The following PLD5 variants were observed in gnomAD, a reference collection of about 807,000 sequenced individuals.
PLD5 encodes phospholipase D family member 5.
PLD5 carries 36 observed loss-of-function variants against 61.1 expected under a neutral mutation model. The observed-to-expected ratio is 0.59, with a 90% CI of 0.45 to 0.78. The LOEUF is 0.78. Ranked by LOEUF, PLD5 falls within the 30% of genes least tolerant of loss-of-function variation. The probability of loss-of-function intolerance (pLI) is 0.00; values close to 1 mark genes in which losing one functional copy is unlikely to be tolerated. For synonymous variants in PLD5, 243 were observed against 242.8 expected (o/e 1.00, Z -0.01); for missense variants, 515 against 644.4 (o/e 0.80, Z 2.17).
chr1:242,188,792 ATTAGCTATC>A (rs1462307376), intron 5 of PLD5: 1 of 152,176 alleles, frequency 6.6e-6, no homozygotes, highest in African/African-American at 2.4e-5. Flanking sequence ...TTGAGTGTAT[ATTAGCTATC>A]TTGATATGGT....
intron 5 of PLD5, chr1:242,209,366 G>T (rs1265536269): frequency 6.6e-6 from 1 of 152,176 alleles, no homozygotes; most frequent in African/African-American, 2.4e-5. Context: ...CCTTGTGTTC[G>T]TGCACTGTGC....
intron 1 of PLD5, among the ~76,000 whole-genome samples, chr1:242,419,693 G>A (rs1368165340): frequency 1.3e-5 from 2 of 150,078 alleles, no homozygotes; most frequent in African/African-American, 2.5e-5. Context: ...GATTACAGGC[G>A]TGAGCCACCA....
At chr1:242,207,859 T>TA (rs1239350902) in intron 5 of PLD5, among the ~76,000 whole-genome samples, 8 of 48,872 alleles carry the variant, frequency 1.6e-4, no homozygotes, top group African/African-American at 6.0e-4. Flanking sequence ...TATTTATATA[T>TA]TTATATATTT....
At chr1:242,335,419 A>T (rs1017012935) in intron 2 of PLD5, among the ~76,000 whole-genome samples, 8 of 152,234 alleles carry the variant, frequency 5.3e-5, no homozygotes, top group African/African-American at 1.9e-4. Flanking sequence ...AGTCCACACC[A>T]TTTGGAGATG....
chr1:242,462,755 C>T (rs1242101741), intron 1 of PLD5, among the ~76,000 whole-genome samples: 1 of 152,108 alleles, frequency 6.6e-6, no homozygotes. Context: ...CTCACTGTTC[C>T]TCACTGCCAC....
intron 5 of PLD5, among the ~76,000 whole-genome samples, chr1:242,149,668 C>CAT (rs138108029): frequency 7.4e-6 from 1 of 135,490 alleles, no homozygotes; most frequent in East Asian, 2.0e-4. Flanking sequence ...GTTTTATACA[C>CAT]ATACACACAC....
At chr1:242,321,307 CTCTT>C (rs1311133142) in intron 2 of PLD5, among the ~76,000 whole-genome samples, 3 of 150,188 alleles carry the variant, frequency 2.0e-5, no homozygotes, top group Non-Finnish European at 4.4e-5. Context: ...CTCTCTCTCT[CTCTT>C]TTTTTTTTTT....
At position 242,100,681 on chromosome 1, in the gene PLD5, T is replaced by G; in HGVS notation, c.1341A>C (p.Gly447=). The change falls in exon 9 of 10, where the codon GGA becomes GGC. Residue 447 remains glycine (G), a synonymous_variant. Transcript: ENST00000536534. ...LNRNKYMVTD[G]AAYIGNFDWV... ...CCTGACACCTACCAATATAAGCTGC[T>G]CCATCTGTCACCATGTACTTGTTGC... The G allele has an allele frequency of 6.2e-7, 1 of 1,613,804 alleles. No homozygotes were observed. The highest frequency in any genetic ancestry group is 8.5e-7 in the Non-Finnish European group (1 of 1,179,766).
At chr1:242,187,378 G>A (rs528695066) in intron 5 of PLD5, among the ~76,000 whole-genome samples, 1 of 152,312 alleles carries the variant, frequency 6.6e-6, no homozygotes, top group South Asian at 2.1e-4. Context: ...CATCATAGCA[G>A]TCCTGAGCTG....
upstream of PLD5, among the ~76,000 whole-genome samples, chr1:242,528,623 T>TA (rs894499096): frequency 1.3e-5 from 2 of 152,220 alleles, no homozygotes; most frequent in Admixed American, 6.5e-5. Context: ...GTTACATCTG[T>TA]AGCACATATC....
intron 4 of PLD5, among the ~76,000 whole-genome samples, chr1:242,254,392 G>A (rs1672897116): frequency 6.6e-6 from 1 of 151,818 alleles, no homozygotes; most frequent in African/African-American, 2.4e-5. Context: ...AGGAAAGGCT[G>A]GGCGTGGTGG....
At chr1:242,348,830 A>T (rs868086501) in intron 1 of PLD5, among the ~76,000 whole-genome samples, 1 of 152,260 alleles carries the variant, frequency 6.6e-6, no homozygotes, top group Non-Finnish European at 1.5e-5. Flanking sequence ...CAAGGCGGGC[A>T]GATCATGAGG....
chr1:242,476,332 G>A (rs1349247498), intron 1 of PLD5, among the ~76,000 whole-genome samples: 1 of 151,870 alleles, frequency 6.6e-6, no homozygotes, highest in East Asian at 1.9e-4. Context: ...TCCAGCCTGG[G>A]CGATGAGAGT....
At chr1:242,285,413 G>T (rs1237066135) in intron 3 of PLD5, among the ~76,000 whole-genome samples, 1 of 152,148 alleles carries the variant, frequency 6.6e-6, no homozygotes, top group Non-Finnish European at 1.5e-5. Context: ...CAGGAGAATC[G>T]CTTGAACCCG....
At chr1:242,432,870 C>T (rs1335112729) in intron 1 of PLD5, among the ~76,000 whole-genome samples, 1 of 152,084 alleles carries the variant, frequency 6.6e-6, no homozygotes, top group Non-Finnish European at 1.5e-5. Context: ...GAAAATGTGG[C>T]CATTTAAAAT....
intron 1 of PLD5, among the ~76,000 whole-genome samples, chr1:242,395,016 A>AATATATATGTATATATGAATGTATATGT (rs1663450324): frequency 7.4e-6 from 1 of 134,878 alleles, no homozygotes; most frequent in East Asian, 2.4e-4. Flanking sequence ...AATATATATG[A>AATATATATGTATATATGAATGTATATGT]ATATATATGT....
intron 1 of PLD5, among the ~76,000 whole-genome samples, chr1:242,518,984 G>A (rs1324205305): frequency 6.6e-6 from 1 of 152,188 alleles, no homozygotes; most frequent in Non-Finnish European, 1.5e-5. Flanking sequence ...CTGATGAGTT[G>A]GAGGCGGCAG....
At chr1:242,347,996 G>T in intron 2 of PLD5, 110 bp downstream of exon 2, 5 of 1,367,872 alleles carry the variant, frequency 3.7e-6, no homozygotes, top group Non-Finnish European at 5.0e-6. Context: ...TAAGCTAAGG[G>T]GAGCCTGGAT....
intron 4 of PLD5, among the ~76,000 whole-genome samples, chr1:242,247,003 A>AGAC (rs1672414532): frequency 9.0e-6 from 1 of 111,460 alleles, no homozygotes; most frequent in Non-Finnish European, 1.8e-5. Context: ...TTTTTTTTTG[A>AGAC]GACGGAGTTT....
Sources: gnomAD v4.1 joint callset for allele counts (sites outside exome capture counted in the v4.1 genomes callset) on GRCh38, gnomAD v4.1.1 for gene constraint, MANE v1.5 for transcripts, NCBI Gene and HGNC (gene_info 2026-07-23, HGNC 2026-07-21) for gene names.